MBD3: variants seen among roughly 807,000 people sequenced by gnomAD.
MBD3 encodes the protein methyl-CpG-binding domain protein 3.
In MBD3, 13 loss-of-function variants were observed where a neutral mutation model predicts 31.2. The observed-to-expected ratio is 0.42, with a 90% CI of 0.27 to 0.66. The LOEUF is 0.66. MBD3 is among the 30% of genes least tolerant of loss of function. MBD3 has a pLI of 0.26. For missense variants in MBD3, 440 were observed against 426.5 expected, an observed-to-expected ratio of 1.03 and a Z score of -0.28; for synonymous variants, 223 against 187.4, an observed-to-expected ratio of 1.19 and a Z score of -1.55.
At position 1,578,770 on chromosome 19, in the gene MBD3, C is replaced by T. The variant is rs937899117; in HGVS notation, c.678-232G>A. ...CCCTCCCAGATGGCCCCCCTGCCAC[C>T]TCTACTGGGACCAAGGGAGGGGCCT... On this transcript the variant is annotated intron_variant, in intron 5 of 6. Transcript: ENST00000434436. This position sits in a 1 kb window ranked among gnomAD's most constrained non-coding sequence, Gnocchi z 6.1. Among the ~76,000 whole-genome samples the T allele has an allele frequency of 6.6e-6, 1 of 152,194 alleles. No homozygotes were observed. The highest frequency in any genetic ancestry group is 6.5e-5 in the Admixed American group (1 of 15,288).
chr19:1,584,992 CA>C, intron 2 of MBD3, 62 bp downstream of exon 2: 1 of 1,594,918 alleles, frequency 6.3e-7, no homozygotes, highest in Non-Finnish European at 8.5e-7. Flanking sequence ...CAGCTCACGT[CA>C]TGGCCGCGTC....
rs528937611 is a variant in MBD3, at chr19:1,585,221, G to C, written c.111-7C>G. 1 of 1,585,834 alleles carries C rather than the reference G, an allele frequency of 6.3e-7. No homozygotes were observed. The highest frequency in any genetic ancestry group is 1.3e-5 in the African/African-American group (1 of 74,506). ...GAACTTCTTCCCGCTCGGGCTGCGG[G>C]GAGGCGGGACGGTCGGCGCCCCGGG... On this transcript the variant is annotated splice_polypyrimidine_tract_variant and splice_region_variant and intron_variant, in intron 1 of 6. Coordinates refer to ENST00000434436, the MANE Select transcript of MBD3 (RefSeq NM_001281453.2). This position sits in a 1 kb window ranked among gnomAD's most constrained non-coding sequence, Gnocchi z 4.1.
rs1390980905 is a variant in MBD3, at chr19:1,584,513, G to A, written c.408+27C>T. ...CAAAGTGAACAACCCGGCCGGGAAG[G>A]CTGGGGTCGCTGTGCGTTGAGCTCA... On this transcript the variant is annotated intron_variant, in intron 3 of 6. Transcript: ENST00000434436. 5.6e-6 allele frequency: 9 copies of A among 1,611,056 alleles called. No homozygotes were observed. In the Admixed American group the frequency reaches 1.5e-4, roughly 27 times the overall value.
Position 1,574,816 on chromosome 19 carries a change from G to A in MBD3, c.*3348C>T, listed in dbSNP as rs1473952995. ...TGACAGCCATGAGGGACACACACAG[G>A]CGAGGGGCATCCCCGGGGATCTTTG... On this transcript the variant is annotated 3_prime_UTR_variant, in exon 7 of 7. Coordinates refer to ENST00000434436, the MANE Select transcript of MBD3 (RefSeq NM_001281453.2). 1.1e-5 allele frequency: 2 copies of A among 185,676 alleles called. No homozygotes were observed. Among genetic ancestry groups the A allele is most frequent in the African/African-American group, 4.8e-5 (2 of 41,804 alleles). The allele number at this position is 185,676 out of a possible 1,614,324, so 11.5% of individuals were successfully genotyped here. A position where few individuals can be genotyped will look rare whatever the true frequency, so the allele number is the denominator to read the frequency against.
chr19:1,585,334 C>G lies in MBD3; in HGVS notation c.111-120G>C. ...TCAGGTCGCGACCCCAGCCCCAGACCCCAACACGGCCCTGACCCCAAACCC... is the reference window on the plus strand; with the variant it reads ...TCAGGTCGCGACCCCAGCCCCAGACGCCAACACGGCCCTGACCCCAAACCC... On this transcript the variant is annotated intron_variant, in intron 1 of 6. Transcript: ENST00000434436. The surrounding 1 kb of genome is among the most constrained non-coding windows in gnomAD (Gnocchi z 4.1). The G allele has an allele frequency of 8.9e-7, 1 of 1,127,356 alleles. No individual in the cohort carries two copies. 69.8% of individuals were successfully genotyped at this position (1,127,356 alleles called of 1,614,324 possible). A position where few individuals can be genotyped will look rare whatever the true frequency, so the allele number is the denominator to read the frequency against.
At chr19:1,587,904 C>T (rs1228844189) in intron 1 of MBD3, among the ~76,000 whole-genome samples, 3 of 152,222 alleles carry the variant, frequency 2.0e-5, no homozygotes, top group Non-Finnish European at 2.9e-5. Flanking sequence ...AGGGCAGTCT[C>T]CTCCTGTCCT....
intron 3 of MBD3, 27 bp from the exon 4 acceptor site, chr19:1,582,739 A>G (rs762279876): frequency 3.2e-5 from 50 of 1,584,038 alleles, no homozygotes; most frequent in Non-Finnish European, 3.9e-5. Flanking sequence ...TGTGAACCTC[A>G]AGAGTGGCCC....
Position 1,585,300 on chromosome 19 carries a change from GC to G in MBD3, c.111-87del. On this transcript the variant is annotated intron_variant, in intron 1 of 6. Coordinates refer to ENST00000434436, the MANE Select transcript of MBD3 (RefSeq NM_001281453.2). This position sits in a 1 kb window ranked among gnomAD's most constrained non-coding sequence, Gnocchi z 4.1. ...GGCCGCAGACCCAAACCCAGTCCCA[GC>G]CCCAGCTTCAGGTCGCGACCCCAGC... The G allele has an allele frequency of 6.8e-7, 1 of 1,461,812 alleles. No homozygotes were observed. Among genetic ancestry groups the G allele is most frequent in the Non-Finnish European group, 9.2e-7 (1 of 1,088,056 alleles). 90.6% of individuals were successfully genotyped at this position (1,461,812 alleles called of 1,614,324 possible).
In MBD3 at chr19:1,581,249, C is replaced by A; in HGVS notation, c.520G>T (p.Asp174Tyr). Residue 174 changes from aspartate to tyrosine, a missense_variant, in exon 5 of 7, where the codon GAT (aspartate) becomes TAT (tyrosine). By Grantham distance (160) the Asp-to-Tyr change is radical. Around this residue, in one of 3 missense-constraint regions of MBD3, gnomAD observed 144 missense variants for 196.9 expected, o/e 0.73. Coordinates refer to ENST00000434436, the MANE Select transcript of MBD3 (RefSeq NM_001281453.2). The part of the protein sequence containing the change: ...GLQGVGPGCT[D>Y]ETLLSAIASA... ...GCGATGGCCGACAGCAGCGTCTCAT[C>A]CGTGCAGCCAGGTCCCACCCCTGCC... is the stretch of plus-strand genomic sequence containing the variant. 1.9e-6 allele frequency: 3 copies of A among 1,610,214 alleles called. No individual in the cohort carries two copies. The highest frequency in any genetic ancestry group is 2.5e-6 in the Non-Finnish European group (3 of 1,179,968).
chr19:1,582,589 C>G lies in MBD3; in HGVS notation c.499+33G>C, dbSNP rs576952542. On this transcript the variant is annotated intron_variant, in intron 4 of 6. Transcript: ENST00000434436. ...AGCACCTCCACCCCACCCGGCACAT[C>G]CCCTTCCGCCTCCCCTCAGGGTGCC... 9 of 1,601,882 alleles carry G rather than the reference C, an allele frequency of 5.6e-6. No homozygotes were observed. The East Asian group carries it at 1.3e-4, about 24-fold the overall frequency.
Position 1,585,593 on chromosome 19 carries a change from G to A in MBD3, c.111-379C>T. Reference sequence around the variant, plus strand: ...CCCACCGTAGGCCCTGGCAGCGTCAGGCACAGCAGACGCTGAGTTCGGGTA... The same window carrying A: ...CCCACCGTAGGCCCTGGCAGCGTCAAGCACAGCAGACGCTGAGTTCGGGTA... On this transcript the variant is annotated intron_variant, in intron 1 of 6. Transcript: ENST00000434436. The surrounding 1 kb of genome is among the most constrained non-coding windows in gnomAD (Gnocchi z 4.1). 3.4e-6 allele frequency: 1 copy of A among 295,438 alleles called. No individual in the cohort carries two copies. The highest frequency in any genetic ancestry group is 6.5e-6 in the Non-Finnish European group (1 of 152,766). 18.3% of individuals were successfully genotyped at this position (295,438 alleles called of 1,614,324 possible).
chr19:1,584,885 G>A (rs1333721167), intron 2 of MBD3, 170 bp downstream of exon 2: 9 of 1,108,682 alleles, frequency 8.1e-6, no homozygotes, highest in Middle Eastern at 3.0e-4. Flanking sequence ...TCCTCGCCAT[G>A]CGCCTTGCGC....
chr19:1,589,748 G>A (rs925979186), intron 1 of MBD3, among the ~76,000 whole-genome samples: 11 of 152,064 alleles, frequency 7.2e-5, no homozygotes, highest in Non-Finnish European at 1.2e-4. Context: ...AGGCAGGATC[G>A]CTTGAGCCCA....
rs757821479 is a variant in MBD3 at position 1,577,716 on chromosome 19, C to T, written c.*448G>A. The stretch of plus-strand genomic sequence containing the variant: ...ACAGCAGACCAGAGTCCCGTCCTCA[C>T]GCTGCACAGTGGGTGATGTGAGTTT... On this transcript the variant is annotated 3_prime_UTR_variant, in exon 7 of 7. Coordinates refer to ENST00000434436, the MANE Select transcript of MBD3 (RefSeq NM_001281453.2). The T allele has an allele frequency of 4.3e-5, 7 of 163,374 alleles. No homozygotes were observed. The highest frequency in any genetic ancestry group is 5.7e-5 in the Admixed American group (1 of 17,588). The allele number at this position is 163,374 out of a possible 1,614,324, so 10.1% of individuals were successfully genotyped here. A position where few individuals can be genotyped will look rare whatever the true frequency, so the allele number is the denominator to read the frequency against.
In MBD3 at chr19:1,585,022, CG is replaced by C. The variant is rs1568276307; in HGVS notation, c.270+32del. 1.2e-6 allele frequency: 2 copies of C among 1,606,986 alleles called. No homozygotes were observed. ...CCGCGTCCCCGCCTAGAACGCCCCG[CG>C]CCGACGTCACCTGCGTGACGCCACC... On this transcript the variant is annotated intron_variant, in intron 2 of 6. Transcript: ENST00000434436. The surrounding 1 kb of genome is among the most constrained non-coding windows in gnomAD (Gnocchi z 4.1).
Position 1,575,118 on chromosome 19 carries a change from G to A in MBD3, c.*3046C>T. 2 of 402,944 alleles carry A rather than the reference G, an allele frequency of 5.0e-6. No homozygotes were observed. Among genetic ancestry groups the A allele is most frequent in the Admixed American group, 2.6e-5 (1 of 38,174 alleles). 25.0% of individuals were successfully genotyped at this position (402,944 alleles called of 1,614,324 possible). A position where few individuals can be genotyped will look rare whatever the true frequency, so the allele number is the denominator to read the frequency against. On this transcript the variant is annotated 3_prime_UTR_variant, in exon 7 of 7. Coordinates refer to ENST00000434436, the MANE Select transcript of MBD3 (RefSeq NM_001281453.2). ...CTGAGGGGAGGCGGGGGACACGTGA[G>A]GCTCTTGCTGCTGCTGGCAAGTGCC...
rs559906106 is a variant in MBD3, at chr19:1,581,172, G to A, written c.597C>T (p.Ala199=). 20 of 1,614,112 alleles carry A rather than the reference G, an allele frequency of 1.2e-5. No homozygotes were observed. The highest frequency in any genetic ancestry group is 4.5e-5 in the East Asian group (2 of 44,870). ...TMPITGQLSA[A]VEKNPGVWLN... ...GCCATACGCCGGGGTTCTTCTCCACGGCGGCCGAGAGCTGTCCCGTGATGG... is the reference window on the plus strand; with the variant it reads ...GCCATACGCCGGGGTTCTTCTCCACAGCGGCCGAGAGCTGTCCCGTGATGG... The change falls in exon 5 of 7, where the codon GCC becomes GCT. Residue 199 remains alanine, a synonymous_variant. Coordinates refer to ENST00000434436, the MANE Select transcript of MBD3 (RefSeq NM_001281453.2).
chr19:1,586,178 A>G lies in MBD3; in HGVS notation c.111-964T>C, dbSNP rs549298724. On this transcript the variant is annotated intron_variant, in intron 1 of 6. Coordinates refer to ENST00000434436, the MANE Select transcript of MBD3 (RefSeq NM_001281453.2). The stretch of plus-strand genomic sequence containing the variant: ...GTATCTGCCCGAAAAATGAGCACGC[A>G]TCCACACCATCACTTCTACACGGAT... 3.3e-5 allele frequency: 5 copies of G among 152,310 alleles called. No individual in the cohort carries two copies. The East Asian group carries it at 9.7e-4, about 29-fold the overall frequency. 9.4% of individuals were successfully genotyped at this position (152,310 alleles called of 1,614,324 possible). A position where few individuals can be genotyped will look rare whatever the true frequency, so the allele number is the denominator to read the frequency against.
Position 1,585,547 on chromosome 19 carries a change from C to A in MBD3, c.111-333G>T. On this transcript the variant is annotated intron_variant, in intron 1 of 6. Coordinates refer to ENST00000434436, the MANE Select transcript of MBD3 (RefSeq NM_001281453.2). This position sits in a 1 kb window ranked among gnomAD's most constrained non-coding sequence, Gnocchi z 4.1. ...CGGATCCTTGCTCCAGACCCCCAAC[C>A]CCGGTCCCCTCTGAATCCTCCCCAC... The A allele has an allele frequency of 2.7e-6, 1 of 370,294 alleles. No homozygotes were observed. Among genetic ancestry groups the A allele is most frequent in the Non-Finnish European group, 5.1e-6 (1 of 195,964 alleles). 22.9% of individuals were successfully genotyped at this position (370,294 alleles called of 1,614,324 possible). A position where few individuals can be genotyped will look rare whatever the true frequency, so the allele number is the denominator to read the frequency against.
Sources: gnomAD v4.1 joint callset for allele counts (sites outside exome capture counted in the v4.1 genomes callset) on GRCh38, gnomAD v4.1.1 for gene constraint, gnomAD v4.1.1 regional missense constraint, Gnocchi (gnomAD v3.1) non-coding constraint, MANE v1.5 for transcripts, NCBI Gene and HGNC (gene_info 2026-07-23, HGNC 2026-07-21) for gene names.